Variants in RRP36 observed in about 807,000 individuals in gnomAD.
RRP36 encodes ribosomal RNA processing protein 36 homolog.
Under a neutral mutation model 39.8 loss-of-function variants are expected in RRP36, and 44 were observed. That is an observed-to-expected ratio of 1.10 (90% CI 0.87 to 1.42). RRP36 has a LOEUF of 1.42. Ranked by LOEUF, RRP36 falls within the 40% of genes most tolerant of loss-of-function variation. The pLI is 0.00. For missense variants in RRP36, 316 were observed against 322.4 expected, an observed-to-expected ratio of 0.98 and a Z score of 0.15; for synonymous variants, 124 against 123.1, an observed-to-expected ratio of 1.01 and a Z score of -0.05.
At chr6:43,028,381 G>A (rs535694698) in intron 6 of RRP36, among the ~76,000 whole-genome samples, 6 of 151,982 alleles carry the variant, frequency 3.9e-5, no homozygotes, top group African/African-American at 1.2e-4. Context: ...CGGGCGCAGT[G>A]CCTCACACCT....
rs372679563 is a variant in RRP36 at position 43,024,973 on chromosome 6, C to T, written c.131-12C>T. 1.9e-6 allele frequency: 3 copies of T among 1,613,228 alleles called. No homozygotes were observed. The highest frequency in any genetic ancestry group is 2.5e-6 in the Non-Finnish European group (3 of 1,179,980). The stretch of plus-strand genomic sequence containing the variant: ...GCTGAGCTGAGTTGTATGTCCCTCC[C>T]CACTTCCACAGGCACATCTAACATG... On this transcript the variant is annotated splice_polypyrimidine_tract_variant and intron_variant, in intron 1 of 6. Coordinates refer to ENST00000244496, the MANE Select transcript of RRP36 (RefSeq NM_033112.4).
intron 4 of RRP36, 106 bp from the exon 5 acceptor site, chr6:43,027,072 A>T: frequency 1.1e-6 from 1 of 949,258 alleles, no homozygotes; most frequent in Non-Finnish European, 1.6e-6. Context: ...TCAAAAAAAA[A>T]TGTGTGTGTG....
intron 6 of RRP36, among the ~76,000 whole-genome samples, chr6:43,027,716 C>CT (rs893727464): frequency 7.6e-6 from 1 of 131,758 alleles, no homozygotes. Context: ...TTCCCAACCC[C>CT]CCCCCCCCAA....
Position 43,027,404 on chromosome 6 carries a change from G to C in RRP36, c.570G>C (p.Glu190Asp). 6.2e-7 allele frequency: 1 copy of C among 1,614,222 alleles called. No homozygotes were observed. Among genetic ancestry groups the C allele is most frequent in the Non-Finnish European group, 8.5e-7 (1 of 1,180,054 alleles). Residue 190 changes from glutamate to aspartate, a missense_variant, in exon 6 of 7, where the codon GAG becomes GAC. Coordinates refer to ENST00000244496, the MANE Select transcript of RRP36 (RefSeq NM_033112.4). ...MAQQERKQQQ[E>D]LHLALKQERR... ...AGCAGGAACGAAAGCAACAGCAGGA[G>C]CTGCACCTGGCCCTGAAGCAAGAAC...
chr6:43,029,363 G>T lies in RRP36; in HGVS notation c.*135G>T. 1.0e-6 allele frequency: 1 copy of T among 997,834 alleles called. No homozygotes were observed. 61.8% of individuals were successfully genotyped at this position (997,834 alleles called of 1,614,324 possible). On this transcript the variant is annotated 3_prime_UTR_variant, in exon 7 of 7. Transcript: ENST00000244496. ...AATCTCATTGCCTCAGAGAAGACTA[G>T]AGGGCTCTTGGACTATCCCTAGGGC...
chr6:43,021,909 G>T, intron 1 of RRP36, 125 bp downstream of exon 1: 3 of 672,212 alleles, frequency 4.5e-6, no homozygotes, highest in Non-Finnish European at 6.1e-6. Flanking sequence ...CACTAGGGGT[G>T]CCCCCAGTGC....
At chr6:43,022,063 G>A (rs1762726302) in intron 1 of RRP36, among the ~76,000 whole-genome samples, 1 of 152,172 alleles carries the variant, frequency 6.6e-6, no homozygotes, top group African/African-American at 2.4e-5. Context: ...GGCTGCTGAA[G>A]GCTTAGTAGA....
At chr6:43,021,957 T>G (rs1762723708) in intron 1 of RRP36, among the ~76,000 whole-genome samples, 173 bp downstream of exon 1, 2 of 152,060 alleles carry the variant, frequency 1.3e-5, no homozygotes. Flanking sequence ...GCTTCCGGGA[T>G]TAGGACATCC....
rs565651274 is a variant in RRP36, at chr6:43,024,892, A to G, written c.131-93A>G. The G allele has an allele frequency of 8.5e-5, 122 of 1,443,412 alleles. No individual in the cohort carries two copies. In the African/African-American group the frequency reaches 1.6e-3, roughly 19 times the overall value. 89.4% of individuals were successfully genotyped at this position (1,443,412 alleles called of 1,614,324 possible). On this transcript the variant is annotated intron_variant, in intron 1 of 6. Transcript: ENST00000244496. Reference sequence around the variant, plus strand: ...ATAATGATTGGTCTGATGGGGTATTAGGATTAGCTAGCTAAGGAATGGGGA... The same window carrying G: ...ATAATGATTGGTCTGATGGGGTATTGGGATTAGCTAGCTAAGGAATGGGGA...
rs369885454 is a variant in RRP36, at chr6:43,027,183, G to A, written c.456G>A (p.Val152=). The change falls in exon 5 of 7, where the codon GTG becomes GTA. Residue 152 remains valine, a synonymous_variant. Transcript: ENST00000244496. ...NDIRAKEKEL[V]KKQLKKHLSG... Reference sequence around the variant, plus strand: ...ACTCATTTTCCAATGTGGAGCTTGTGAAAAAACAGTTGAAGAAGCACCTTT... The same window carrying A: ...ACTCATTTTCCAATGTGGAGCTTGTAAAAAAACAGTTGAAGAAGCACCTTT... 3.7e-6 allele frequency: 6 copies of A among 1,613,880 alleles called. No homozygotes were observed. The African/African-American group carries it at 5.3e-5, about 14-fold the overall frequency.
At chr6:43,024,879 C>T in intron 1 of RRP36, 106 bp from the exon 2 acceptor site, 2 of 1,334,764 alleles carry the variant, frequency 1.5e-6, no homozygotes, top group Admixed American at 2.0e-5. Context: ...AATGATTGGT[C>T]TGATGGGGTA....
At chr6:43,027,072 ATGTGTGTGTG>A (rs1292726862) in intron 4 of RRP36, 96 bp from the exon 5 acceptor site, 12 of 949,148 alleles carry the variant, frequency 1.3e-5, no homozygotes, top group Non-Finnish European at 1.8e-5. Context: ...TCAAAAAAAA[ATGTGTGTGTG>A]TGTATGTGTG....
chr6:43,021,739 G>A lies in RRP36; in HGVS notation c.85G>A (p.Gly29Ser). The A allele has an allele frequency of 8.1e-7, 1 of 1,227,816 alleles. No homozygotes were observed. Among genetic ancestry groups the A allele is most frequent in the Admixed American group, 4.2e-5 (1 of 23,570 alleles). 76.1% of individuals were successfully genotyped at this position (1,227,816 alleles called of 1,614,324 possible). ...PRGARDREED[G>S]GGLEPAAVAR... is the part of the protein sequence containing the mutation. ...CGGGGCCCGGGACCGCGAGGAGGAC[G>A]GCGGGGGCCTGGAGCCCGCGGCCGT... is the stretch of plus-strand genomic sequence containing the variant. The change falls in exon 1 of 7, where the codon GGC becomes AGC. Residue 29 changes from glycine (G) to serine (S), a missense_variant. Physicochemically the swap from Gly to Ser is moderately conservative, Grantham distance 56. Transcript: ENST00000244496.
intron 1 of RRP36, among the ~76,000 whole-genome samples, chr6:43,023,925 C>G (rs946442514): frequency 2.0e-5 from 3 of 149,948 alleles, no homozygotes; most frequent in East Asian, 4.0e-4. Flanking sequence ...GACGTGATCT[C>G]GGCTCACTGC....
At chr6:43,021,855 AC>A in intron 1 of RRP36, 71 bp downstream of exon 1, 1 of 1,135,614 alleles carries the variant, frequency 8.8e-7, no homozygotes, top group Non-Finnish European at 1.1e-6. Flanking sequence ...GCCTGCAGAG[AC>A]GGTGCCGGTA....
intron 1 of RRP36, 99 bp downstream of exon 1, chr6:43,021,883 T>TA: frequency 1.1e-6 from 1 of 929,548 alleles, no homozygotes. Flanking sequence ...CCAAGTTCTC[T>TA]AAGAGGCAGA....
chr6:43,021,903 A>G, intron 1 of RRP36, 119 bp downstream of exon 1: 1 of 731,636 alleles, frequency 1.4e-6, no homozygotes, highest in Non-Finnish European at 1.8e-6. Flanking sequence ...ACGCTACACT[A>G]GGGGTGCCCC....
At position 43,027,457 on chromosome 6, in the gene RRP36, G is replaced by C. The variant is rs761263930; in HGVS notation, c.623G>C (p.Arg208Pro). ...CGGGCTCAGGCCCAGCAGGGCCATC[G>C]GCCATACTTCCTGAAAAAATGTGAG... ...ERRAQAQQGH[R>P]PYFLKKSEQR... Residue 208 changes from arginine (R) to proline (P), a missense_variant, in exon 6 of 7, where the codon CGG becomes CCG. Transcript: ENST00000244496. 6.2e-7 allele frequency: 1 copy of C among 1,613,798 alleles called. No individual in the cohort carries two copies.
intron 1 of RRP36, among the ~76,000 whole-genome samples, chr6:43,022,244 G>A (rs575793602): frequency 2.0e-4 from 30 of 151,814 alleles, no homozygotes; most frequent in African/African-American, 6.5e-4. Flanking sequence ...GACTACAGGC[G>A]CCCGCCACCA....
Sources: allele counts gnomAD v4.1 joint callset (sites outside exome capture counted in the v4.1 genomes callset), GRCh38; gene constraint gnomAD v4.1.1; transcripts MANE v1.5; gene names NCBI Gene and HGNC (gene_info 2026-07-23, HGNC 2026-07-21).